Variants in LAMA2 observed in about 807,000 individuals in gnomAD.
LAMA2 encodes the protein laminin subunit alpha 2, also known as laminin subunit alpha-2.
LAMA2 carries 269 observed loss-of-function variants against 364.8 expected under a neutral mutation model. The ratio of observed to expected loss-of-function variants is 0.74; its 90% CI spans 0.67 to 0.82. The LOEUF (loss-of-function observed/expected upper bound fraction) is 0.82. Among genes scored for constraint, LAMA2 ranks in the 40% least tolerant of loss-of-function variants. The probability of loss-of-function intolerance (pLI) is 0.00; values close to 1 mark genes in which losing one functional copy is unlikely to be tolerated. For missense variants in LAMA2, 3,807 were observed against 3,873.2 expected, an observed-to-expected ratio of 0.98 and a Z score of 0.45; for synonymous variants, 1,379 against 1,370.6, an observed-to-expected ratio of 1.01 and a Z score of -0.14.
At chr6:129,133,662 C>T (rs969062672) in intron 4 of LAMA2, among the ~76,000 whole-genome samples, 8 of 152,182 alleles carry the variant, frequency 5.3e-5, no homozygotes, top group African/African-American at 1.9e-4. Context: ...TCTGCTTAAA[C>T]TCCTGTATGC....
At chr6:129,333,712 A>C (rs943281592) in intron 29 of LAMA2, among the ~76,000 whole-genome samples, 10 of 152,206 alleles carry the variant, frequency 6.6e-5, no homozygotes, top group South Asian at 2.1e-4. Flanking sequence ...ATCTATACAC[A>C]TTCTTAAGCA....
At chr6:129,322,059 A>G (rs1433155086) in intron 28 of LAMA2, among the ~76,000 whole-genome samples, 2 of 152,184 alleles carry the variant, frequency 1.3e-5, no homozygotes, top group African/African-American at 2.4e-5. Flanking sequence ...CTTAGTTACC[A>G]TCACATGGAT....
chr6:129,087,462 G>T (rs1391728092), intron 3 of LAMA2, among the ~76,000 whole-genome samples: 1 of 152,078 alleles, frequency 6.6e-6, no homozygotes, highest in Admixed American at 6.5e-5. Flanking sequence ...CTGTCTTCTG[G>T]ACACTCCTTC....
chr6:129,079,715 C>T (rs1181481721), intron 3 of LAMA2, among the ~76,000 whole-genome samples: 1 of 151,948 alleles, frequency 6.6e-6, no homozygotes, highest in Admixed American at 6.6e-5. Flanking sequence ...GTGAAGAATG[C>T]CCATGTAAAA....
chr6:128,947,792 G>A (rs965584768), intron 1 of LAMA2, among the ~76,000 whole-genome samples: 3 of 152,074 alleles, frequency 2.0e-5, no homozygotes, highest in Non-Finnish European at 4.4e-5. Context: ...GGAGACGCAG[G>A]CCTGAGGACA....
intron 40 of LAMA2, among the ~76,000 whole-genome samples, chr6:129,410,813 G>A (rs922599974): frequency 6.6e-6 from 1 of 152,150 alleles, no homozygotes; most frequent in Non-Finnish European, 1.5e-5. Flanking sequence ...ATTGGCTTAC[G>A]TGATTATGGA....
chr6:129,041,692 A>G (rs1473757431), intron 1 of LAMA2, among the ~76,000 whole-genome samples: 1 of 152,126 alleles, frequency 6.6e-6, no homozygotes, highest in Non-Finnish European at 1.5e-5. Flanking sequence ...AGTGAACACT[A>G]TGTACTCGAA....
chr6:129,392,169 A>G (rs1779359771), intron 36 of LAMA2, among the ~76,000 whole-genome samples: 1 of 152,238 alleles, frequency 6.6e-6, no homozygotes, highest in Non-Finnish European at 1.5e-5. Context: ...AGAGTTGCGA[A>G]TATGAGGGTT....
chr6:129,420,101 T>A (rs1003328095), intron 40 of LAMA2, among the ~76,000 whole-genome samples: 3 of 152,150 alleles, frequency 2.0e-5, no homozygotes, highest in Admixed American at 2.0e-4. Context: ...TTTTGTAATA[T>A]CATTGTATAT....
At chr6:129,310,479 A>C (rs776569010) in intron 22 of LAMA2, among the ~76,000 whole-genome samples, 6 of 152,180 alleles carry the variant, frequency 3.9e-5, no homozygotes, top group Non-Finnish European at 7.3e-5. Context: ...TCTGAGAAGG[A>C]TAATAGAACA....
intron 1 of LAMA2, among the ~76,000 whole-genome samples, chr6:128,987,875 GT>G (rs1783366848): frequency 6.6e-6 from 1 of 152,026 alleles, no homozygotes; most frequent in Admixed American, 6.6e-5. Context: ...CAGCATGTAA[GT>G]TTTTTGTTTG....
At chr6:128,920,305 G>A (rs1339923438) in intron 1 of LAMA2, among the ~76,000 whole-genome samples, 1 of 151,850 alleles carries the variant, frequency 6.6e-6, no homozygotes, top group Non-Finnish European at 1.5e-5. Context: ...CTACAGGCGT[G>A]TGCCACCACG....
chr6:129,081,235 G>T (rs1411418281), intron 3 of LAMA2, among the ~76,000 whole-genome samples: 2 of 151,542 alleles, frequency 1.3e-5, no homozygotes, highest in Non-Finnish European at 2.9e-5. Context: ...ACACACCGGG[G>T]CCTGTTGTGG....
At chr6:129,238,795 G>A (rs927642892) in intron 12 of LAMA2, among the ~76,000 whole-genome samples, 4 of 152,066 alleles carry the variant, frequency 2.6e-5, no homozygotes, top group African/African-American at 9.7e-5. Flanking sequence ...GAGATTAAAT[G>A]AGGATAAAGA....
rs764895001 is a variant in LAMA2, at chr6:129,288,067, TG to T, written c.2749+10del. 3 of 1,609,324 alleles carry T rather than the reference TG, an allele frequency of 1.9e-6. No homozygotes were observed. In the South Asian group the frequency reaches 3.3e-5, roughly 18 times the overall value. On this transcript the variant is annotated intron_variant, in intron 19 of 64. Transcript: ENST00000421865. ...TGCGAAGAACTGTCAGCGTAAGTCC[TG>T]AACTATTGATGCCCCTGACAGAATT...
intron 36 of LAMA2, 24 bp from the exon 37 acceptor site, chr6:129,393,021 T>C (rs774609703): frequency 6.3e-7 from 1 of 1,598,240 alleles, no homozygotes; most frequent in Non-Finnish European, 8.6e-7. Context: ...TCATTGTCTA[T>C]TATTGGGCTG....
intron 9 of LAMA2, among the ~76,000 whole-genome samples, chr6:129,167,227 T>A (rs1779805252): frequency 6.6e-6 from 1 of 151,906 alleles, no homozygotes; most frequent in African/African-American, 2.4e-5. Flanking sequence ...TAGTTACATA[T>A]GTATACATGT....
At chr6:129,022,026 A>T (rs1311252855) in intron 1 of LAMA2, among the ~76,000 whole-genome samples, 2 of 152,200 alleles carry the variant, frequency 1.3e-5, no homozygotes, top group Non-Finnish European at 2.9e-5. Context: ...GCTTTAAACA[A>T]TATTAGAAAG....
rs367654534 is a variant in LAMA2 at position 129,270,404 on chromosome 6, CT to C, written c.2323-215del. On this transcript the variant is annotated intron_variant, in intron 16 of 64. Coordinates refer to ENST00000421865, the MANE Select transcript of LAMA2 (RefSeq NM_000426.4). ...AAACATTAAAATGAATTTCAATCAT[CT>C]TTTTGTAAGTATGCATATGCTGAAA... is the stretch of plus-strand genomic sequence containing the variant. Among the ~76,000 whole-genome samples, 104 of 151,906 alleles carry C rather than the reference CT, an allele frequency of 6.8e-4. 1 individual carries two copies. The highest frequency in any genetic ancestry group is 2.4e-3 in the African/African-American group (101 of 41,430).
Sources: allele counts gnomAD v4.1 joint callset (sites outside exome capture counted in the v4.1 genomes callset), GRCh38; gene constraint gnomAD v4.1.1; transcripts MANE v1.5; gene names NCBI Gene and HGNC (gene_info 2026-07-23, HGNC 2026-07-21).